Variants in C8orf34 observed in about 807,000 individuals in gnomAD.
The protein encoded by C8orf34 is chromosome 8 open reading frame 34.
C8orf34 carries 65 observed loss-of-function variants against 68.3 expected under a neutral mutation model. That is an observed-to-expected ratio of 0.95 (90% CI 0.78 to 1.17). The LOEUF (loss-of-function observed/expected upper bound fraction) is 1.17. C8orf34 is among the 50% of genes most tolerant of loss of function. The probability of loss-of-function intolerance (pLI) is 0.00; values close to 1 mark genes in which losing one functional copy is unlikely to be tolerated. For synonymous variants in C8orf34, 244 were observed against 241.2 expected (o/e 1.01, Z -0.11); for missense variants, 664 against 655.4 (o/e 1.01, Z -0.14).
rs552308962 is a variant in C8orf34 at position 68,812,459 on chromosome 8, G to A, written c.1550-3427G>A. On this transcript the variant is annotated intron_variant, in intron 12 of 13. Transcript: ENST00000518698. ...GACCAAAAACATAGCTTTTTCTTGTGTTCTTAGACATAAATTATATGTGAC... is the reference window on the plus strand; with the variant it reads ...GACCAAAAACATAGCTTTTTCTTGTATTCTTAGACATAAATTATATGTGAC... 2.0e-5 allele frequency among the ~76,000 whole-genome samples: 3 copies of A among 152,092 alleles called. No homozygotes were observed. In the South Asian group the frequency reaches 6.2e-4, roughly 32 times the overall value.
intron 12 of C8orf34, among the ~76,000 whole-genome samples, chr8:68,789,590 ATTTTC>A (rs548580963): frequency 2.3e-4 from 35 of 152,218 alleles, no homozygotes; most frequent in Admixed American, 6.5e-4. Flanking sequence ...ATAAGTTTTA[ATTTTC>A]TTCTCTTCTA....
At chr8:68,571,447 G>A (rs531590721) in intron 7 of C8orf34, among the ~76,000 whole-genome samples, 1 of 152,274 alleles carries the variant, frequency 6.6e-6, no homozygotes, top group Admixed American at 6.5e-5. Flanking sequence ...AGGATACAAG[G>A]TCAAGTCTAG....
chr8:68,349,689 C>T (rs1438254740), intron 1 of C8orf34, among the ~76,000 whole-genome samples: 3 of 151,882 alleles, frequency 2.0e-5, no homozygotes, highest in African/African-American at 7.2e-5. Flanking sequence ...CGATTTCTCC[C>T]TTGCTCAGTC....
chr8:68,532,997 C>A lies in C8orf34; in HGVS notation c.953C>A (p.Pro318His). 6.3e-7 allele frequency: 1 copy of A among 1,592,126 alleles called. No homozygotes were observed. The highest frequency in any genetic ancestry group is 1.1e-5 in the South Asian group (1 of 87,644). Residue 318 changes from proline to histidine, a missense_variant, in exon 7 of 14, where the codon CCT (proline) becomes CAT (histidine). By Grantham distance (77) the Pro-to-His change is moderately conservative. Coordinates refer to ENST00000518698, the MANE Select transcript of C8orf34 (RefSeq NM_052958.4). ...SSPAGSLKMEPKNKGLKQQQQ... is the reference protein window; with the variant it reads ...SSPAGSLKMEHKNKGLKQQQQ... Reference sequence around the variant, plus strand: ...TATTTCTTCAGCTTAAAGATGGAGCCTAAGAACAAAGGATTAAAACAGCAG... The same window carrying A: ...TATTTCTTCAGCTTAAAGATGGAGCATAAGAACAAAGGATTAAAACAGCAG...
chr8:68,802,089 A>G (rs1824345001), intron 12 of C8orf34, among the ~76,000 whole-genome samples: 1 of 152,126 alleles, frequency 6.6e-6, no homozygotes, highest in South Asian at 2.1e-4. Context: ...GTCCTCTGTA[A>G]GATAATTTCT....
chr8:68,803,842 TG>T (rs1315458355), intron 12 of C8orf34, among the ~76,000 whole-genome samples: 1 of 152,144 alleles, frequency 6.6e-6, no homozygotes, highest in East Asian at 1.9e-4. Context: ...TTATACTTTT[TG>T]TAGTACTTTT....
At chr8:68,484,319 C>T (rs994236438) in intron 4 of C8orf34, among the ~76,000 whole-genome samples, 35 of 152,208 alleles carry the variant, frequency 2.3e-4, no homozygotes, top group Non-Finnish European at 7.3e-5. Flanking sequence ...CACCAGCCCT[C>T]ACCTCTAACA....
At chr8:68,577,166 C>T (rs1011855943) in intron 7 of C8orf34, among the ~76,000 whole-genome samples, 11 of 151,872 alleles carry the variant, frequency 7.2e-5, no homozygotes, top group Middle Eastern at 3.2e-3. Flanking sequence ...TTCTCCAAGG[C>T]GCAGGTATTG....
chr8:68,741,055 G>T (rs763741770), intron 10 of C8orf34, among the ~76,000 whole-genome samples: 2 of 151,862 alleles, frequency 1.3e-5, no homozygotes, highest in Non-Finnish European at 2.9e-5. Context: ...CATAGAGGGG[G>T]AACAACACTC....
At chr8:68,715,959 T>C (rs1412121657) in intron 9 of C8orf34, among the ~76,000 whole-genome samples, 1 of 152,100 alleles carries the variant, frequency 6.6e-6, no homozygotes, top group African/African-American at 2.4e-5. Flanking sequence ...ATATGATATA[T>C]ATACACCATG....
chr8:68,439,927 A>G (rs1810830798), intron 2 of C8orf34, among the ~76,000 whole-genome samples: 1 of 152,216 alleles, frequency 6.6e-6, no homozygotes, highest in South Asian at 2.1e-4. Context: ...AATTCAGAGT[A>G]GTTATCCTAA....
chr8:68,744,921 A>G (rs990473474), intron 10 of C8orf34, among the ~76,000 whole-genome samples: 2 of 152,184 alleles, frequency 1.3e-5, no homozygotes, highest in African/African-American at 4.8e-5. Context: ...CAACTCCAAG[A>G]CACATAATTG....
intron 4 of C8orf34, among the ~76,000 whole-genome samples, chr8:68,483,625 A>G (rs901497009): frequency 1.3e-5 from 2 of 152,248 alleles, no homozygotes; most frequent in Admixed American, 1.3e-4. Flanking sequence ...GCATTCCCAG[A>G]ACTGGGTTGA....
intron 5 of C8orf34, among the ~76,000 whole-genome samples, chr8:68,517,970 T>A (rs1417010388): frequency 6.6e-6 from 1 of 152,212 alleles, no homozygotes; most frequent in Admixed American, 6.5e-5. Flanking sequence ...CTGTTCTGTT[T>A]CTCTGCCCTT....
At chr8:68,331,961 G>A (rs1318089936) in intron 1 of C8orf34, among the ~76,000 whole-genome samples, 3 of 150,864 alleles carry the variant, frequency 2.0e-5, no homozygotes, top group Non-Finnish European at 3.0e-5. Flanking sequence ...CTGCCATTTG[G>A]TCACTGGACG....
At chr8:68,479,998 T>C (rs1563474280) in intron 4 of C8orf34, among the ~76,000 whole-genome samples, 1 of 152,228 alleles carries the variant, frequency 6.6e-6, no homozygotes, top group Non-Finnish European at 1.5e-5. Flanking sequence ...GAGTATGATA[T>C]GATCTATATC....
intron 1 of C8orf34, among the ~76,000 whole-genome samples, chr8:68,407,541 C>T (rs1471922226): frequency 6.6e-6 from 1 of 152,134 alleles, no homozygotes; most frequent in Admixed American, 6.6e-5. Context: ...GAACTCACAA[C>T]ATTTCTTCAG....
chr8:68,438,804 T>C (rs1490365876), intron 1 of C8orf34: 1 of 152,256 alleles, frequency 6.6e-6, no homozygotes, highest in Non-Finnish European at 1.5e-5. Flanking sequence ...GATATTACCC[T>C]TGGGCAGATT....
chr8:68,476,619 A>G (rs1341154702), intron 4 of C8orf34, among the ~76,000 whole-genome samples: 1 of 152,182 alleles, frequency 6.6e-6, no homozygotes, highest in African/African-American at 2.4e-5. Flanking sequence ...GTTGGGTTTT[A>G]TGCCCTACAG....
Sources: gnomAD v4.1 joint callset for allele counts (sites outside exome capture counted in the v4.1 genomes callset) on GRCh38, gnomAD v4.1.1 for gene constraint, MANE v1.5 for transcripts, NCBI Gene and HGNC (gene_info 2026-07-23, HGNC 2026-07-21) for gene names.